Variants in OR4F16 observed in about 807,000 individuals in gnomAD.
The protein encoded by OR4F16 is olfactory receptor 4F3/4F16/4F29.
the OR4F16 span, among the ~76,000 whole-genome samples, chr1:709,995 A>G: frequency 1.3e-5 from 2 of 150,498 alleles, no homozygotes; most frequent in African/African-American, 2.4e-5. Flanking sequence ...CAATATGGTT[A>G]CATTTATATG....
the OR4F16 span, among the ~76,000 whole-genome samples, chr1:715,477 G>A: frequency 3.7e-5 from 1 of 27,016 alleles, no homozygotes; most frequent in South Asian, 9.0e-4. Flanking sequence ...ATTCATGTTT[G>A]CTCCCAATTA....
At chr1:715,700 C>G in the OR4F16 span, among the ~76,000 whole-genome samples, 1,156 of 82,306 alleles carry the variant, frequency 0.014, 1 homozygote, top group African/African-American at 0.059. Context: ...AGTTTGGTGG[C>G]ATGTGCCTGT....
the OR4F16 span, among the ~76,000 whole-genome samples, chr1:679,998 T>C: frequency 1.1e-4 from 14 of 132,724 alleles, no homozygotes; most frequent in African/African-American, 3.1e-4. Flanking sequence ...TCCAGCAGCA[T>C]ATCAAAAGCT....
upstream of OR4F16, among the ~76,000 whole-genome samples, chr1:690,150 T>C (rs1643038485): frequency 1.1e-5 from 1 of 88,326 alleles, no homozygotes; most frequent in Non-Finnish European, 2.0e-5. Flanking sequence ...AATGGAAATA[T>C]TGCCTTTTAT....
upstream of OR4F16, among the ~76,000 whole-genome samples, chr1:690,535 A>C (rs1643045772): frequency 1.4e-5 from 2 of 144,810 alleles, no homozygotes; most frequent in African/African-American, 5.4e-5. Context: ...TTGGACTTTG[A>C]GGTTGACCAG....
chr1:715,768 G>C, the OR4F16 span, among the ~76,000 whole-genome samples: 1 of 143,186 alleles, frequency 7.0e-6, no homozygotes, highest in Non-Finnish European at 1.5e-5. Flanking sequence ...GGAGGTCAAG[G>C]CTGCAATGAG....
At chr1:711,969 A>G in the OR4F16 span, 5 of 111,122 alleles carry the variant, frequency 4.5e-5, no homozygotes, top group African/African-American at 2.0e-4. Context: ...TATATATTAT[A>G]TATCTATTAT....
the OR4F16 span, among the ~76,000 whole-genome samples, chr1:701,562 A>G: frequency 6.6e-6 from 1 of 150,416 alleles, no homozygotes; most frequent in Non-Finnish European, 1.5e-5. Flanking sequence ...GTTTATATGC[A>G]GGCTGTACAT....
upstream of OR4F16, among the ~76,000 whole-genome samples, chr1:687,528 T>A (rs1309367648): frequency 2.5e-4 from 33 of 129,920 alleles, no homozygotes; most frequent in African/African-American, 9.2e-4. Flanking sequence ...ATGAAAGTAT[T>A]GAAGACCAGC....
the OR4F16 span, chr1:712,000 T>A: frequency 9.0e-6 from 1 of 110,764 alleles, no homozygotes; most frequent in Non-Finnish European, 1.6e-5. Context: ...ATATATCTAT[T>A]ATATATTATA....
At chr1:714,025 C>A in the OR4F16 span, among the ~76,000 whole-genome samples, 1 of 145,826 alleles carries the variant, frequency 6.9e-6, no homozygotes, top group Non-Finnish European at 1.5e-5. Context: ...CATGTGCATA[C>A]ACACACTGTA....
At chr1:700,787 TACCACA>T in the OR4F16 span, among the ~76,000 whole-genome samples, 3 of 30,374 alleles carry the variant, frequency 9.9e-5, no homozygotes, top group African/African-American at 2.2e-4. Flanking sequence ...AGGCCCACCT[TACCACA>T]ACATTTCATC....
the OR4F16 span, among the ~76,000 whole-genome samples, chr1:676,844 C>T: frequency 1.7e-5 from 2 of 119,256 alleles, 1 homozygote; most frequent in Admixed American, 1.5e-4. Context: ...GCAGATCTCC[C>T]TGCACAGTAT....
At chr1:713,577 TACC>T in the OR4F16 span, among the ~76,000 whole-genome samples, 2 of 128,484 alleles carry the variant, frequency 1.6e-5, no homozygotes, top group African/African-American at 7.6e-5. Context: ...CTCTTCCAAG[TACC>T]ACTTCATTTC....
At chr1:718,608 G>T in the OR4F16 span, among the ~76,000 whole-genome samples, 18 of 64,584 alleles carry the variant, frequency 2.8e-4, no homozygotes, top group Admixed American at 5.3e-4. Context: ...ACAAAGCAAA[G>T]ATTCTGGTTC....
At chr1:690,948 T>G (rs1643052977), upstream of OR4F16, among the ~76,000 whole-genome samples, 1 of 147,784 alleles carries the variant, frequency 6.8e-6, no homozygotes, top group South Asian at 2.1e-4. Context: ...TTCAAGGTGA[T>G]GAATATCCAA....
At chr1:701,255 G>A in the OR4F16 span, among the ~76,000 whole-genome samples, 3 of 147,910 alleles carry the variant, frequency 2.0e-5, no homozygotes, top group South Asian at 6.4e-4. Context: ...GGGCTTTAAG[G>A]ATAATGAGAA....
chr1:702,514 T>C, the OR4F16 span, among the ~76,000 whole-genome samples: 7 of 81,040 alleles, frequency 8.6e-5, no homozygotes, highest in Admixed American at 1.6e-4. Context: ...TATTATTTTG[T>C]ATGTGATGAC....
the OR4F16 span, chr1:702,183 C>T: frequency 8.1e-6 from 1 of 123,810 alleles, no homozygotes; most frequent in Non-Finnish European, 1.7e-5. Flanking sequence ...CCCATCTCTA[C>T]TAAAAATACA....
Sources: allele counts gnomAD v4.1 joint callset (sites outside exome capture counted in the v4.1 genomes callset), GRCh38; gene constraint gnomAD v4.1.1; transcripts MANE v1.5; gene names NCBI Gene and HGNC (gene_info 2026-07-23, HGNC 2026-07-21).